Variants in PLAAT5 observed in about 807,000 individuals in gnomAD.
PLAAT5 encodes the protein Ca(2+)-independent N-acyltransferase.
PLAAT5 carries 27 observed loss-of-function variants against 27.8 expected under a neutral mutation model. That is an observed-to-expected ratio of 0.97 (90% CI 0.72 to 1.34). The LOEUF (loss-of-function observed/expected upper bound fraction) is 1.34. Among genes scored for constraint, PLAAT5 ranks in the 40% most tolerant of loss-of-function variants. The pLI is 0.00. For synonymous variants in PLAAT5, 125 were observed against 136.1 expected, an observed-to-expected ratio of 0.92 and a Z score of 0.57; for missense variants, 368 against 343.8, an observed-to-expected ratio of 1.07 and a Z score of -0.56.
chr11:63,472,622 T>C (rs1019772281), intron 3 of PLAAT5, among the ~76,000 whole-genome samples: 1 of 152,234 alleles, frequency 6.6e-6, no homozygotes, highest in African/African-American at 2.4e-5. Context: ...AAATCTTCAA[T>C]CTCCCTTACC....
At chr11:63,474,916 G>T (rs551670391) in intron 3 of PLAAT5, among the ~76,000 whole-genome samples, 31 of 151,856 alleles carry the variant, frequency 2.0e-4, no homozygotes, top group African/African-American at 7.5e-4. Flanking sequence ...TTGACCATGG[G>T]TTATTTAGAT....
chr11:63,482,652 T>C (rs2016313806), intron 3 of PLAAT5, among the ~76,000 whole-genome samples: 2 of 152,020 alleles, frequency 1.3e-5, no homozygotes, highest in Non-Finnish European at 2.9e-5. Context: ...ATACACCAAA[T>C]TAGAACCTCC....
Position 63,466,221 on chromosome 11 carries a change from G to T in PLAAT5, c.606C>A (p.Ile202=). 1 of 1,614,136 alleles carries T rather than the reference G, an allele frequency of 6.2e-7. No individual in the cohort carries two copies. The highest frequency in any genetic ancestry group is 8.5e-7 in the Non-Finnish European group (1 of 1,180,032). ...GTYLPLPVDK[I]IQRTKKMVNK... ...TGACCATCTTTTTTGTACGCTGGAT[G>T]ATCTTGTCCACCGGCAAGGGCAGGT... Residue 202 remains isoleucine (I), a synonymous_variant, in exon 5 of 6, where the codon ATC becomes ATA. Transcript: ENST00000540857.
chr11:63,463,325 G>A lies in PLAAT5; in HGVS notation c.*178C>T, dbSNP rs3209166. On this transcript the variant is annotated 3_prime_UTR_variant, in exon 6 of 6. Transcript: ENST00000540857. ...CAGATCCTTCCCATCCTGAGAGTCT[G>A]TGGGTCTATGCTCGTATATATTGGA... The A allele has an allele frequency of 3.2e-6, 2 of 631,366 alleles. No individual in the cohort carries two copies. Among genetic ancestry groups the A allele is most frequent in the South Asian group, 1.8e-5 (1 of 54,216 alleles). 39.1% of individuals were successfully genotyped at this position (631,366 alleles called of 1,614,324 possible).
intron 3 of PLAAT5, among the ~76,000 whole-genome samples, chr11:63,485,419 G>T (rs1230157767): frequency 3.3e-5 from 5 of 152,168 alleles, no homozygotes; most frequent in African/African-American, 1.2e-4. Flanking sequence ...CATGGTACTG[G>T]TATAAAAACA....
intron 4 of PLAAT5, among the ~76,000 whole-genome samples, chr11:63,468,010 C>T (rs981329338): frequency 1.3e-5 from 2 of 152,240 alleles, no homozygotes; most frequent in East Asian, 1.9e-4. Context: ...TGAGCATCTG[C>T]ACCCTCCTTG....
chr11:63,480,569 T>C (rs549081049), intron 3 of PLAAT5, among the ~76,000 whole-genome samples: 2 of 152,314 alleles, frequency 1.3e-5, no homozygotes, highest in South Asian at 2.1e-4. Context: ...AAATCGATTA[T>C]ATTGAGTATT....
At chr11:63,489,004 A>T in intron 2 of PLAAT5, 28 bp from the exon 3 acceptor site, 1 of 1,388,594 alleles carries the variant, frequency 7.2e-7, no homozygotes, top group Non-Finnish European at 1.0e-6. Flanking sequence ...CACAAAGTTA[A>T]CAAATATCAC....
In PLAAT5 at chr11:63,477,596, C is replaced by G. The variant is rs1013016586; in HGVS notation, c.346-9131G>C. On this transcript the variant is annotated intron_variant, in intron 3 of 5. Transcript: ENST00000540857. ...GTTCAAACGATTCTCCTGCCTCAGC[C>G]TCCTGAGTAGCTGAGATTACAGGTG... Among the ~76,000 whole-genome samples the G allele has an allele frequency of 3.3e-5, 5 of 152,216 alleles. No homozygotes were observed. The South Asian group carries it at 8.3e-4, about 25-fold the overall frequency.
At chr11:63,466,446 T>C in intron 4 of PLAAT5, 74 bp from the exon 5 acceptor site, 1 of 1,464,074 alleles carries the variant, frequency 6.8e-7, no homozygotes. Flanking sequence ...AGACTCTGAG[T>C]AAGCTGCTTC....
At chr11:63,477,503 T>C (rs1214163206) in intron 3 of PLAAT5, among the ~76,000 whole-genome samples, 2 of 152,076 alleles carry the variant, frequency 1.3e-5, no homozygotes, top group African/African-American at 4.8e-5. Flanking sequence ...TGAGACAGAG[T>C]CTCGCCGTGT....
chr11:63,490,325 C>A lies in PLAAT5; in HGVS notation c.157G>T (p.Val53Leu). The change falls in exon 2 of 6, where the codon GTG becomes TTG. Residue 53 changes from valine to leucine, a missense_variant. Transcript: ENST00000540857. ...AGCTGGACCAACGCTGCGAATCCCACGGATTCTTCTAATTCAAGGGGGGAA... is the reference window on the plus strand; with the variant it reads ...AGCTGGACCAACGCTGCGAATCCCAAGGATTCTTCTAATTCAAGGGGGGAA... ...RSAVPHSEES[V>L]GFAALVQLPA... is the part of the protein sequence containing the mutation. 1 of 1,614,110 alleles carries A rather than the reference C, an allele frequency of 6.2e-7. No individual in the cohort carries two copies. Among genetic ancestry groups the A allele is most frequent in the Non-Finnish European group, 8.5e-7 (1 of 1,179,970 alleles).
At chr11:63,485,309 G>A (rs1442652992) in intron 3 of PLAAT5, among the ~76,000 whole-genome samples, 2 of 152,032 alleles carry the variant, frequency 1.3e-5, no homozygotes, top group African/African-American at 4.8e-5. Context: ...CCAAAAAAGA[G>A]CCCACATAGC....
intron 4 of PLAAT5, among the ~76,000 whole-genome samples, chr11:63,467,664 C>T (rs555715784): frequency 6.6e-6 from 1 of 152,282 alleles, no homozygotes; most frequent in African/African-American, 2.4e-5. Context: ...AACCCCAACC[C>T]TTATCAGGCC....
intron 3 of PLAAT5, among the ~76,000 whole-genome samples, chr11:63,472,736 T>C (rs912447994): frequency 2.0e-4 from 31 of 152,194 alleles, no homozygotes; most frequent in African/African-American, 6.8e-4. Flanking sequence ...AGTTCACTTG[T>C]AATATAAAGA....
intron 5 of PLAAT5, among the ~76,000 whole-genome samples, chr11:63,464,314 T>G (rs1037813094): frequency 6.6e-6 from 1 of 152,106 alleles, no homozygotes; most frequent in Non-Finnish European, 1.5e-5. Context: ...AGAAAAAAAA[T>G]AGAATAATTA....
At chr11:63,479,794 T>A (rs2016240939) in intron 3 of PLAAT5, among the ~76,000 whole-genome samples, 8 of 152,136 alleles carry the variant, frequency 5.3e-5, no homozygotes, top group Admixed American at 5.2e-4. Context: ...GAACAAGAAG[T>A]GAAGAACAGG....
chr11:63,469,139 T>C (rs1174118978), intron 3 of PLAAT5, among the ~76,000 whole-genome samples: 1 of 146,524 alleles, frequency 6.8e-6, no homozygotes, highest in South Asian at 2.2e-4. Context: ...TGTGTGTGTG[T>C]GTGTGTGAGA....
chr11:63,480,086 G>A (rs769823068), intron 3 of PLAAT5, among the ~76,000 whole-genome samples: 3 of 152,114 alleles, frequency 2.0e-5, no homozygotes, highest in African/African-American at 4.8e-5. Flanking sequence ...CCAGCTGGAC[G>A]GTCACGTCTG....
Sources: gnomAD v4.1 joint callset for allele counts (sites outside exome capture counted in the v4.1 genomes callset) on GRCh38, gnomAD v4.1.1 for gene constraint, MANE v1.5 for transcripts, NCBI Gene and HGNC (gene_info 2026-07-23, HGNC 2026-07-21) for gene names.